The following TPRG1 variants were observed in gnomAD, a reference collection of about 807,000 sequenced individuals.
The protein encoded by TPRG1 is tumor protein p63-regulated gene 1 protein.
Under a neutral mutation model 29.3 loss-of-function variants are expected in TPRG1, and 29 were observed. The ratio of observed to expected loss-of-function variants is 0.99; its 90% CI spans 0.74 to 1.35. The LOEUF (loss-of-function observed/expected upper bound fraction) is 1.35. Among genes scored for constraint, TPRG1 ranks in the 40% most tolerant of loss-of-function variants. The pLI, the probability that TPRG1 is intolerant of heterozygous loss-of-function variation, is 0.00. For missense variants in TPRG1, 327 were observed against 335.0 expected, an observed-to-expected ratio of 0.98 and a Z score of 0.19; for synonymous variants, 130 against 116.8, an observed-to-expected ratio of 1.11 and a Z score of -0.73.
At chr3:189,215,268 AG>A (rs758356544) in intron 2 of TPRG1, 23 bp from the exon 3 acceptor site, 139 of 1,593,366 alleles carry the variant, frequency 8.7e-5, no homozygotes, top group Non-Finnish European at 1.1e-4. Flanking sequence ...GCTCTAAACT[AG>A]GTATTTTCTC....
chr3:189,200,813 T>G (rs1184310477), intron 1 of TPRG1, among the ~76,000 whole-genome samples: 1 of 152,162 alleles, frequency 6.6e-6, no homozygotes, highest in Non-Finnish European at 1.5e-5. Context: ...TTGTAAAAGG[T>G]GGATGCTACA....
rs10618021 is a variant in TPRG1, at chr3:189,301,298, CAAAAAAAAAAA to C, written c.480-9070_480-9060del. On this transcript the variant is annotated intron_variant, in intron 4 of 5. Coordinates refer to ENST00000345063, the MANE Select transcript of TPRG1 (RefSeq NM_198485.4). ...TGGGTGACAGAGTGAGACTCCATCT[CAAAAAAAAAAA>C]AAAAAAAAAAAAAAAAAGTTTGTGT... Among the ~76,000 whole-genome samples, 336 of 43,630 alleles carry C rather than the reference CAAAAAAAAAAA, an allele frequency of 7.7e-3. 2 individuals are homozygous for C. Among genetic ancestry groups the C allele is most frequent in the African/African-American group, 0.025 (319 of 13,018 alleles). 28.6% of individuals were successfully genotyped at this position (43,630 alleles called of 152,430 possible).
At chr3:189,122,937 TG>T (rs991207706) in intron 1 of TPRG1, among the ~76,000 whole-genome samples, 1 of 152,228 alleles carries the variant, frequency 6.6e-6, no homozygotes. Flanking sequence ...TCTTATTATG[TG>T]CCAGGCACTA....
chr3:189,198,361 A>T (rs1433341758), intron 1 of TPRG1, among the ~76,000 whole-genome samples: 2 of 152,156 alleles, frequency 1.3e-5, no homozygotes, highest in Admixed American at 1.3e-4. Context: ...TCATGACTCT[A>T]TCACAAAAGG....
chr3:189,018,032 T>G (rs1181403052), intron 3 of TPRG1, among the ~76,000 whole-genome samples: 1 of 152,090 alleles, frequency 6.6e-6, no homozygotes, highest in Non-Finnish European at 1.5e-5. Flanking sequence ...TGTCTTCTTT[T>G]GAGAAGTGTC....
chr3:189,245,214 G>T (rs146364297), intron 4 of TPRG1, among the ~76,000 whole-genome samples: 4 of 152,046 alleles, frequency 2.6e-5, no homozygotes, highest in African/African-American at 9.7e-5. Flanking sequence ...GAGCCACTGC[G>T]CCCGGTTCAT....
intron 4 of TPRG1, among the ~76,000 whole-genome samples, chr3:189,086,258 C>A (rs1280378038): frequency 2.0e-5 from 3 of 152,148 alleles, no homozygotes; most frequent in Non-Finnish European, 4.4e-5. Flanking sequence ...TTCCGCATTC[C>A]TCTGCCTGCT....
At chr3:189,259,047 GA>G (rs985188247) in intron 4 of TPRG1, among the ~76,000 whole-genome samples, 7 of 152,262 alleles carry the variant, frequency 4.6e-5, no homozygotes, top group African/African-American at 4.8e-5. Flanking sequence ...AATGGGGTAT[GA>G]AAAAAACTCC....
At position 189,320,838 on chromosome 3, in the gene TPRG1, T is replaced by C; in HGVS notation, c.*18T>C. The C allele has an allele frequency of 6.5e-7, 1 of 1,533,680 alleles. No homozygotes were observed. Among genetic ancestry groups the C allele is most frequent in the Non-Finnish European group, 8.8e-7 (1 of 1,138,868 alleles). On this transcript the variant is annotated 3_prime_UTR_variant, in exon 6 of 6. Transcript: ENST00000345063. Reference sequence around the variant, plus strand: ...GTTTTTGAGAGTCTTTTTGGTACCATAAGCATATCATCCACAGATATGTCA... The same window carrying C: ...GTTTTTGAGAGTCTTTTTGGTACCACAAGCATATCATCCACAGATATGTCA...
At chr3:189,023,744 T>C (rs973690522) in intron 3 of TPRG1, 1 of 152,690 alleles carries the variant, frequency 6.5e-6, no homozygotes, top group African/African-American at 2.4e-5. Flanking sequence ...GGCCACTCTT[T>C]TCTAGGGCTG....
chr3:189,187,255 T>C lies in TPRG1; in HGVS notation c.-10+15124T>C, dbSNP rs577213351. On this transcript the variant is annotated intron_variant, in intron 1 of 5. Coordinates refer to ENST00000345063, the MANE Select transcript of TPRG1 (RefSeq NM_198485.4). ...CTCCTATCTCAGCCTCCCAAAGTGC[T>C]GGGATTACAGGCATGAGCCACCCCG... 2.0e-5 allele frequency among the ~76,000 whole-genome samples: 3 copies of C among 152,162 alleles called. No homozygotes were observed. The East Asian group carries it at 5.8e-4, about 29-fold the overall frequency.
intron 4 of TPRG1, among the ~76,000 whole-genome samples, chr3:189,242,995 A>AGT (rs1216552879): frequency 2.0e-5 from 3 of 152,278 alleles, no homozygotes; most frequent in African/African-American, 7.2e-5. Context: ...AATGTCCATA[A>AGT]GATATTTAGT....
At chr3:189,291,337 C>T (rs1718971322) in intron 4 of TPRG1, among the ~76,000 whole-genome samples, 1 of 152,100 alleles carries the variant, frequency 6.6e-6, no homozygotes, top group Non-Finnish European at 1.5e-5. Flanking sequence ...ATGAGGTGAT[C>T]TGTTTGTATG....
intron 1 of TPRG1, among the ~76,000 whole-genome samples, chr3:189,123,045 T>A (rs768738914): frequency 6.6e-6 from 1 of 152,294 alleles, no homozygotes; most frequent in Admixed American, 6.5e-5. Flanking sequence ...CTGAAATGAG[T>A]GAGCTTGCCT....
chr3:189,211,256 T>C (rs1735215622), intron 2 of TPRG1, among the ~76,000 whole-genome samples: 1 of 152,220 alleles, frequency 6.6e-6, no homozygotes, highest in South Asian at 2.1e-4. Context: ...GTTGTATATG[T>C]AGGTTTCTTA....
intron 5 of TPRG1, among the ~76,000 whole-genome samples, chr3:189,160,256 A>T (rs576792475): frequency 6.6e-6 from 1 of 152,254 alleles, no homozygotes; most frequent in Admixed American, 6.5e-5. Context: ...TGATGGGGTG[A>T]TTTCTTCTTC....
At chr3:189,021,050 C>T (rs1350164954) in intron 3 of TPRG1, among the ~76,000 whole-genome samples, 1 of 149,102 alleles carries the variant, frequency 6.7e-6, no homozygotes, top group African/African-American at 2.5e-5. Context: ...ACTAGGATTG[C>T]AACCCCTGCC....
In TPRG1 at chr3:189,104,071, G is replaced by A. The variant is rs188507570; in HGVS notation, c.-744+3867G>A. Among the ~76,000 whole-genome samples, 13 of 152,274 alleles carry A rather than the reference G, an allele frequency of 8.5e-5. 1 individual carries two copies. The highest frequency in any genetic ancestry group is 5.9e-4 in the Admixed American group (9 of 15,298). ...TAAAGATAGAGGATGAGCCAAGAAC[G>A]AAAGAGGTACTGTTCCCAGAATAAG... On this transcript the variant is annotated intron_variant, in intron 1 of 6. Transcript: ENST00000412373.
chr3:189,066,823 C>T (rs923595690), intron 4 of TPRG1, among the ~76,000 whole-genome samples: 1 of 151,636 alleles, frequency 6.6e-6, no homozygotes, highest in Admixed American at 6.6e-5. Flanking sequence ...GCTAGAGCAA[C>T]AAAATGAGAG....
Sources: gnomAD v4.1 joint callset for allele counts (sites outside exome capture counted in the v4.1 genomes callset) on GRCh38, gnomAD v4.1.1 for gene constraint, MANE v1.5 for transcripts, NCBI Gene and HGNC (gene_info 2026-07-23, HGNC 2026-07-21) for gene names.